GAB2: variants seen among roughly 807,000 people sequenced by gnomAD.
GAB2 encodes the protein GRB2 associated binding protein 2, also known as GRB2-associated-binding protein 2.
A neutral mutation model predicts 65.5 loss-of-function variants in GAB2; 26 were observed. The observed-to-expected ratio is 0.40, with a 90% CI of 0.29 to 0.55. GAB2 has a LOEUF of 0.55. GAB2 is among the 20% of genes least tolerant of loss of function. The pLI is 0.53. For missense variants in GAB2, 884 were observed against 875.8 expected, an observed-to-expected ratio of 1.01 and a Z score of -0.12; for synonymous variants, 321 against 329.6, an observed-to-expected ratio of 0.97 and a Z score of 0.28.
chr11:78,264,519 G>GC (rs1261908690), intron 2 of GAB2, among the ~76,000 whole-genome samples: 1 of 151,762 alleles, frequency 6.6e-6, no homozygotes, highest in Non-Finnish European at 1.5e-5. Flanking sequence ...TCCTGCCGCA[G>GC]CCTCCTGAGT....
rs527954338 is a variant in GAB2 at position 78,323,553 on chromosome 11, T to C, written c.76-42652A>G. Among the ~76,000 whole-genome samples, 6 of 151,728 alleles carry C rather than the reference T, an allele frequency of 4.0e-5. No homozygotes were observed. In the East Asian group the frequency reaches 7.8e-4, roughly 20 times the overall value. On this transcript the variant is annotated intron_variant, in intron 1 of 9. Coordinates refer to ENST00000361507, the MANE Select transcript of GAB2 (RefSeq NM_080491.3). ...GAAACGAAACCAAACACCACACTTA[T>C]AATGTTCTCACTTATATGTGGGAGC... is the stretch of plus-strand genomic sequence containing the variant.
chr11:78,311,011 A>G (rs1855489706), intron 1 of GAB2, among the ~76,000 whole-genome samples: 1 of 152,222 alleles, frequency 6.6e-6, no homozygotes, highest in Non-Finnish European at 1.5e-5. Context: ...TGTTAAAATT[A>G]GCAATTTACT....
intron 1 of GAB2, among the ~76,000 whole-genome samples, chr11:78,309,850 G>A (rs1855450372): frequency 6.6e-6 from 1 of 152,008 alleles, no homozygotes; most frequent in Non-Finnish European, 1.5e-5. Flanking sequence ...GAGAGATCAA[G>A]GGTGGCAGAG....
In GAB2 at chr11:78,223,346, C is replaced by G. The variant is rs1437001748; in HGVS notation, c.1567+66G>C. The G allele has an allele frequency of 3.0e-6, 4 of 1,350,268 alleles. No individual in the cohort carries two copies. In the East Asian group the frequency reaches 1.0e-4, roughly 35 times the overall value. 83.6% of individuals were successfully genotyped at this position (1,350,268 alleles called of 1,614,324 possible). A position where few individuals can be genotyped will look rare whatever the true frequency, so the allele number is the denominator to read the frequency against. ...TCTCAAGTCCAGGATCCACATGACC[C>G]CTAAGCAAATGGAAAGAGTCCCTAG... On this transcript the variant is annotated intron_variant, in intron 6 of 9. Coordinates refer to ENST00000361507, the MANE Select transcript of GAB2 (RefSeq NM_080491.3).
chr11:78,253,111 A>C (rs1865503015), intron 2 of GAB2, among the ~76,000 whole-genome samples: 1 of 148,260 alleles, frequency 6.7e-6, no homozygotes, highest in African/African-American at 2.5e-5. Flanking sequence ...CCTGGGTTCA[A>C]GTGATACTCC....
At chr11:78,261,534 G>T (rs1865732130) in intron 2 of GAB2, among the ~76,000 whole-genome samples, 1 of 152,192 alleles carries the variant, frequency 6.6e-6, no homozygotes, top group African/African-American at 2.4e-5. Flanking sequence ...CTGTTGATTT[G>T]CAAGAGGTCA....
At chr11:78,301,254 T>G (rs989652387) in intron 1 of GAB2, among the ~76,000 whole-genome samples, 6 of 152,178 alleles carry the variant, frequency 3.9e-5, no homozygotes, top group Admixed American at 6.5e-5. Context: ...TGCCTTTTCT[T>G]TTTTGGAATT....
At chr11:78,312,008 G>A (rs1446417722) in intron 1 of GAB2, among the ~76,000 whole-genome samples, 1 of 152,088 alleles carries the variant, frequency 6.6e-6, no homozygotes, top group African/African-American at 2.4e-5. Context: ...TTCATGCCTT[G>A]CTGCAAATTA....
Position 78,366,626 on chromosome 11 carries a change from G to C in GAB2, c.75+51020C>G, listed in dbSNP as rs550376755. On this transcript the variant is annotated intron_variant, in intron 1 of 9. Coordinates refer to ENST00000361507, the MANE Select transcript of GAB2 (RefSeq NM_080491.3). Reference sequence around the variant, plus strand: ...AAAAAAAAAGATGAGTACTAAAATAGAATATGCACAAAGTGAGGATGGGGG... The same window carrying C: ...AAAAAAAAAGATGAGTACTAAAATACAATATGCACAAAGTGAGGATGGGGG... Among the ~76,000 whole-genome samples the C allele has an allele frequency of 2.5e-5, 3 of 120,978 alleles. No homozygotes were observed. The East Asian group carries it at 7.5e-4, about 30-fold the overall frequency. The allele number at this position is 120,978 out of a possible 152,430, so 79.4% of individuals were successfully genotyped here. A position where few individuals can be genotyped will look rare whatever the true frequency, so the allele number is the denominator to read the frequency against.
At chr11:78,343,136 CAA>C (rs1010714736) in intron 1 of GAB2, among the ~76,000 whole-genome samples, 72 of 152,180 alleles carry the variant, frequency 4.7e-4, no homozygotes, top group African/African-American at 1.4e-3. Context: ...ATATCTATAT[CAA>C]GAGTCAAGAA....
intron 1 of GAB2, among the ~76,000 whole-genome samples, chr11:78,288,602 T>C (rs1252441315): frequency 6.6e-6 from 1 of 151,824 alleles, no homozygotes; most frequent in Non-Finnish European, 1.5e-5. Context: ...TCTTAAAAAT[T>C]GAAAAGGTAT....
intron 2 of GAB2, chr11:78,280,375 C>A (rs1414449438): frequency 5.2e-6 from 3 of 571,716 alleles, no homozygotes; most frequent in Admixed American, 6.2e-5. Context: ...ACCACAAATA[C>A]CTTTAGCTTT....
chr11:78,298,840 C>T (rs1332469320), intron 1 of GAB2, among the ~76,000 whole-genome samples: 1 of 152,200 alleles, frequency 6.6e-6, no homozygotes, highest in East Asian at 1.9e-4. Context: ...GGGACAAAGG[C>T]TTCTCTCTCA....
intron 2 of GAB2, among the ~76,000 whole-genome samples, chr11:78,277,890 T>G (rs979169358): frequency 5.3e-5 from 8 of 152,182 alleles, no homozygotes; most frequent in African/African-American, 1.9e-4. Context: ...TTAATAAACT[T>G]TCACCCCTCT....
intron 2 of GAB2, among the ~76,000 whole-genome samples, chr11:78,257,221 G>A (rs1295397680): frequency 6.6e-6 from 1 of 152,146 alleles, no homozygotes; most frequent in Non-Finnish European, 1.5e-5. Context: ...AACATGAGCA[G>A]GAAAGGGGTG....
chr11:78,393,119 C>T (rs1856854631), intron 1 of GAB2, among the ~76,000 whole-genome samples: 1 of 152,154 alleles, frequency 6.6e-6, no homozygotes, highest in East Asian at 1.9e-4. Flanking sequence ...TATCACAAAC[C>T]ATGTGACATT....
At chr11:78,287,894 T>C (rs933205302) in intron 1 of GAB2, among the ~76,000 whole-genome samples, 4 of 151,700 alleles carry the variant, frequency 2.6e-5, no homozygotes, top group African/African-American at 9.7e-5. Flanking sequence ...GTGATCCACC[T>C]GCCTTGGCCT....
intron 1 of GAB2, among the ~76,000 whole-genome samples, chr11:78,348,823 T>C (rs1441899978): frequency 5.3e-5 from 8 of 152,174 alleles, no homozygotes; most frequent in Non-Finnish European, 5.9e-5. Context: ...AAGAACCCAA[T>C]GTCCATCAAT....
intron 3 of GAB2, among the ~76,000 whole-genome samples, chr11:78,230,134 C>T (rs554439044): frequency 1.3e-5 from 2 of 152,350 alleles, no homozygotes; most frequent in Non-Finnish European, 2.9e-5. Flanking sequence ...AATGAATAAA[C>T]GTTTGTTGTA....
Sources: allele counts gnomAD v4.1 joint callset (sites outside exome capture counted in the v4.1 genomes callset), GRCh38; gene constraint gnomAD v4.1.1; transcripts MANE v1.5; gene names NCBI Gene and HGNC (gene_info 2026-07-23, HGNC 2026-07-21).